Variants in ASTN2 observed in about 807,000 individuals in gnomAD.
ASTN2 encodes astrotactin-2.
Under a neutral mutation model 139.8 loss-of-function variants are expected in ASTN2, and 54 were observed. The ratio of observed to expected loss-of-function variants is 0.39; its 90% CI spans 0.31 to 0.48. ASTN2 has a LOEUF of 0.48. ASTN2 is among the 20% of genes least tolerant of loss of function. The probability of loss-of-function intolerance (pLI) is 0.95; values close to 1 mark genes in which losing one functional copy is unlikely to be tolerated. For missense variants in ASTN2, 1,565 were observed against 1,725.1 expected, an observed-to-expected ratio of 0.91 and a Z score of 1.64; for synonymous variants, 756 against 719.5, an observed-to-expected ratio of 1.05 and a Z score of -0.81.
chr9:116,710,833 G>A (rs180686831), intron 16 of ASTN2, among the ~76,000 whole-genome samples: 14 of 151,568 alleles, frequency 9.2e-5, no homozygotes, highest in Admixed American at 5.3e-4. Flanking sequence ...GTGAAATGAC[G>A]TTTAATATTT....
intron 5 of ASTN2, among the ~76,000 whole-genome samples, chr9:117,080,133 C>G (rs1339263673): frequency 6.6e-6 from 1 of 152,190 alleles, no homozygotes; most frequent in South Asian, 2.1e-4. Flanking sequence ...CTTTCAGGAA[C>G]AGGCAGAGTA....
In ASTN2 at chr9:116,509,708, G is replaced by C. The variant is rs1850281330; in HGVS notation, c.3356-22208C>G. 3.3e-5 allele frequency among the ~76,000 whole-genome samples: 5 copies of C among 151,018 alleles called. No individual in the cohort carries two copies. The South Asian group carries it at 1.0e-3, about 31-fold the overall frequency. ...TTTTTAATGATTGCCATTCTAACTG[G>C]TGTGAGATGGTATCTCATTGTGGTT... On this transcript the variant is annotated intron_variant, in intron 19 of 22. Coordinates refer to ENST00000313400, the MANE Select transcript of ASTN2 (RefSeq NM_001365068.1).
At chr9:117,152,039 T>C (rs1830337465) in intron 3 of ASTN2, among the ~76,000 whole-genome samples, 1 of 152,102 alleles carries the variant, frequency 6.6e-6, no homozygotes, top group Non-Finnish European at 1.5e-5. Flanking sequence ...TTTGGGTAAG[T>C]TCCTTAAATT....
intron 12 of ASTN2, among the ~76,000 whole-genome samples, chr9:116,807,282 C>G (rs1452904198): frequency 6.6e-6 from 1 of 152,162 alleles, no homozygotes; most frequent in African/African-American, 2.4e-5. Context: ...TTGTGGGAAC[C>G]AGTAGCTGAT....
At chr9:116,848,839 A>G (rs1388683621) in intron 11 of ASTN2, among the ~76,000 whole-genome samples, 2 of 152,150 alleles carry the variant, frequency 1.3e-5, no homozygotes, top group Non-Finnish European at 2.9e-5. Context: ...TTTTGACACT[A>G]TCTAACTGGA....
At position 117,096,171 on chromosome 9, in the gene ASTN2, A is replaced by G. The variant is rs1202105350; in HGVS notation, c.1169-20T>C. 2 of 1,599,902 alleles carry G rather than the reference A, an allele frequency of 1.3e-6. No homozygotes were observed. The highest frequency in any genetic ancestry group is 1.7e-6 in the Non-Finnish European group (2 of 1,167,370). The stretch of plus-strand genomic sequence containing the variant: ...TTCCTCCTGTGAGTAAGCACAGTCT[A>G]TCAGTTAGTCTCCCAGGCCTCCAGA... On this transcript the variant is annotated intron_variant, in intron 4 of 22. Transcript: ENST00000313400.
At chr9:116,748,525 G>T (rs936570317) in intron 13 of ASTN2, among the ~76,000 whole-genome samples, 1 of 152,164 alleles carries the variant, frequency 6.6e-6, no homozygotes, top group African/African-American at 2.4e-5. Flanking sequence ...CCAGTATTCA[G>T]AGTATTTTCT....
chr9:116,832,815 C>T (rs1055317116), intron 11 of ASTN2, among the ~76,000 whole-genome samples: 4 of 151,904 alleles, frequency 2.6e-5, no homozygotes, highest in Non-Finnish European at 5.9e-5. Flanking sequence ...ATTGGTCTTA[C>T]TTTGTAGTTT....
At chr9:116,536,247 A>G (rs1001961639) in intron 19 of ASTN2, among the ~76,000 whole-genome samples, 76 of 151,790 alleles carry the variant, frequency 5.0e-4, no homozygotes, top group Non-Finnish European at 7.9e-4. Flanking sequence ...TATTCTAGTT[A>G]GCCATTCTTC....
At chr9:116,950,202 T>C (rs1044861572) in intron 10 of ASTN2, among the ~76,000 whole-genome samples, 12 of 152,226 alleles carry the variant, frequency 7.9e-5, no homozygotes, top group South Asian at 2.1e-4. Context: ...GCAGCATCCA[T>C]AGCCTCTACC....
intron 7 of ASTN2, among the ~76,000 whole-genome samples, chr9:116,981,824 T>C (rs150698639): frequency 2.0e-5 from 3 of 152,338 alleles, no homozygotes; most frequent in Non-Finnish European, 4.4e-5. Context: ...TTGTTAGTAA[T>C]GGAGACCTAA....
chr9:116,948,869 T>A (rs1437360038), intron 10 of ASTN2, among the ~76,000 whole-genome samples: 1 of 133,492 alleles, frequency 7.5e-6, no homozygotes, highest in Non-Finnish European at 1.5e-5. Flanking sequence ...ATGGGCTCAC[T>A]GCAACCTCCA....
intron 19 of ASTN2, among the ~76,000 whole-genome samples, chr9:116,613,764 A>G (rs1294444551): frequency 6.6e-6 from 1 of 152,196 alleles, no homozygotes. Context: ...CCCACAACCA[A>G]TATCATACTG....
rs1464835004 is a variant in ASTN2 at position 116,440,723 on chromosome 9, T to C, written c.3668A>G (p.Asn1223Ser). ...TSGKEQQMAY[N>S]TLMEVSASML... ...CGAGGCTGAGACCTCCATCAGTGTGTTGTAGGCCATCTGCTGCTCCTTTCC... is the reference window on the plus strand; with the variant it reads ...CGAGGCTGAGACCTCCATCAGTGTGCTGTAGGCCATCTGCTGCTCCTTTCC... The change falls in exon 22 of 23, where the codon AAC (asparagine) becomes AGC (serine). Residue 1223 changes from asparagine (N) to serine (S), a missense_variant. Asn to Ser is a conservative substitution (Grantham distance 46). Coordinates refer to ENST00000313400, the MANE Select transcript of ASTN2 (RefSeq NM_001365068.1). 1.9e-6 allele frequency: 3 copies of C among 1,614,190 alleles called. No individual in the cohort carries two copies. In the South Asian group the frequency reaches 3.3e-5, roughly 18 times the overall value.
At chr9:116,747,817 C>T (rs1829288865) in intron 13 of ASTN2, among the ~76,000 whole-genome samples, 1 of 152,144 alleles carries the variant, frequency 6.6e-6, no homozygotes, top group African/African-American at 2.4e-5. Context: ...AAAACAATTT[C>T]CACCAGTGGC....
chr9:116,429,339 G>GAA (rs34731241), intron 22 of ASTN2, among the ~76,000 whole-genome samples: 42,257 of 90,544 alleles, frequency 0.47, 10,785 homozygotes, highest in Admixed American at 0.54. Context: ...AACTCTATCT[G>GAA]AAAAAAAAAA....
intron 19 of ASTN2, among the ~76,000 whole-genome samples, chr9:116,549,407 C>A (rs1261562997): frequency 6.6e-6 from 1 of 152,214 alleles, no homozygotes; most frequent in African/African-American, 2.4e-5. Flanking sequence ...CAGCTCTGAG[C>A]CACACTTGGC....
At chr9:117,020,031 T>C (rs1457311203) in intron 6 of ASTN2, among the ~76,000 whole-genome samples, 4 of 151,476 alleles carry the variant, frequency 2.6e-5, no homozygotes, top group Non-Finnish European at 5.9e-5. Context: ...TGTGTGTGTG[T>C]GTGTGTGTGT....
rs772990865 is a variant in ASTN2, at chr9:116,698,338, T to A, written c.2806+27433A>T. 1 of 1,614,146 alleles carries A rather than the reference T, an allele frequency of 6.2e-7. No individual in the cohort carries two copies. The highest frequency in any genetic ancestry group is 8.5e-7 in the Non-Finnish European group (1 of 1,180,028). ...GAGGAGCGCAGGGTCCAGGATGAGC[T>A]GGCTCGCTCTCGGAAGTTCTTCACA... On this transcript the variant is annotated intron_variant, in intron 16 of 22. Transcript: ENST00000313400. The surrounding 1 kb of genome is among the most constrained non-coding windows in gnomAD (Gnocchi z 4.4).
Sources: gnomAD v4.1 joint callset for allele counts (sites outside exome capture counted in the v4.1 genomes callset) on GRCh38, gnomAD v4.1.1 for gene constraint, Gnocchi (gnomAD v3.1) non-coding constraint, MANE v1.5 for transcripts, NCBI Gene and HGNC (gene_info 2026-07-23, HGNC 2026-07-21) for gene names.